Variants in CTNNBL1 observed in about 807,000 individuals in gnomAD.
CTNNBL1 encodes the protein catenin beta like 1.
CTNNBL1 carries 31 observed loss-of-function variants against 72.7 expected under a neutral mutation model. That is an observed-to-expected ratio of 0.43 (90% CI 0.32 to 0.58). The LOEUF (loss-of-function observed/expected upper bound fraction) is 0.58, where lower values mean the gene tolerates loss of function less well. CTNNBL1 is among the 20% of genes least tolerant of loss of function. The pLI is 0.08. For synonymous variants in CTNNBL1, 240 were observed against 267.3 expected (o/e 0.90, Z 1.00); for missense variants, 534 against 725.1 (o/e 0.74, Z 3.03).
At chr20:37,808,499 G>A (rs2071980195) in intron 11 of CTNNBL1, among the ~76,000 whole-genome samples, 1 of 152,184 alleles carries the variant, frequency 6.6e-6, no homozygotes, top group African/African-American at 2.4e-5. Flanking sequence ...ATATAACAAA[G>A]ACCTAGTATG....
chr20:37,750,247 C>T (rs1000259600), intron 4 of CTNNBL1: 1 of 152,300 alleles, frequency 6.6e-6, no homozygotes, highest in African/African-American at 2.4e-5. Flanking sequence ...TCATCTGCCC[C>T]CTTGAGAGGC....
intron 1 of CTNNBL1, among the ~76,000 whole-genome samples, chr20:37,716,741 A>C (rs1287338557): frequency 6.6e-6 from 1 of 152,240 alleles, no homozygotes; most frequent in East Asian, 1.9e-4. Context: ...AGTGCTGGAA[A>C]GTATGTTATA....
rs1262337304 is a variant in CTNNBL1 at position 37,777,594 on chromosome 20, G to A, written c.824-60G>A. The A allele has an allele frequency of 3.3e-5, 50 of 1,518,020 alleles. 1 individual carries two copies. Among genetic ancestry groups the A allele is most frequent in the Middle Eastern group, 1.8e-4 (1 of 5,646 alleles). 94.0% of individuals were successfully genotyped at this position (1,518,020 alleles called of 1,614,324 possible). A position where few individuals can be genotyped will look rare whatever the true frequency, so the allele number is the denominator to read the frequency against. On this transcript the variant is annotated intron_variant, in intron 8 of 15. Transcript: ENST00000361383. The stretch of plus-strand genomic sequence containing the variant: ...GTTTGCTGATGTATCAGTGTTAGAC[G>A]GCTGTAAAATCTGACAGTTAGGTTC...
intron 6 of CTNNBL1, 134 bp from the exon 7 acceptor site, chr20:37,767,817 AAT>A (rs1410982875): frequency 1.5e-6 from 1 of 679,722 alleles, no homozygotes; most frequent in Non-Finnish European, 2.6e-6. Context: ...TTAATCTGAA[AAT>A]GACAACCCAG....
chr20:37,740,657 C>T (rs2073208175), intron 3 of CTNNBL1, among the ~76,000 whole-genome samples: 1 of 152,088 alleles, frequency 6.6e-6, no homozygotes, highest in Non-Finnish European at 1.5e-5. Flanking sequence ...TATTGAATAT[C>T]CCAAAGTGCT....
At chr20:37,861,950 C>A (rs940882708) in intron 15 of CTNNBL1, among the ~76,000 whole-genome samples, 4 of 152,106 alleles carry the variant, frequency 2.6e-5, no homozygotes, top group African/African-American at 7.2e-5. Flanking sequence ...AGAGACAGTC[C>A]AGAAAGAAAC....
At chr20:37,765,476 G>A (rs1431426795) in intron 6 of CTNNBL1, among the ~76,000 whole-genome samples, 186 bp downstream of exon 6, 2 of 152,182 alleles carry the variant, frequency 1.3e-5, no homozygotes, top group East Asian at 3.8e-4. Context: ...CTTTGGTTTG[G>A]CTTGTAGGTA....
intron 13 of CTNNBL1, among the ~76,000 whole-genome samples, chr20:37,849,308 A>G (rs2072374661): frequency 6.6e-6 from 1 of 152,260 alleles, no homozygotes; most frequent in Non-Finnish European, 1.5e-5. Context: ...CACAGTAAAC[A>G]GTGGCCTTGC....
At chr20:37,831,306 A>C (rs1159179235) in intron 11 of CTNNBL1, among the ~76,000 whole-genome samples, 2 of 151,898 alleles carry the variant, frequency 1.3e-5, no homozygotes, top group Non-Finnish European at 2.9e-5. Flanking sequence ...AGTATTTTCC[A>C]TGCATGCCAG....
chr20:37,757,007 T>A (rs2073371261), intron 4 of CTNNBL1: 1 of 152,290 alleles, frequency 6.6e-6, no homozygotes, highest in Non-Finnish European at 1.5e-5. Flanking sequence ...GTATTCTTCC[T>A]TTTATATTCA....
intron 13 of CTNNBL1, among the ~76,000 whole-genome samples, chr20:37,856,930 T>C (rs2072448312): frequency 6.6e-6 from 1 of 152,218 alleles, no homozygotes; most frequent in Non-Finnish European, 1.5e-5. Flanking sequence ...ATTAGGCACT[T>C]AGTAGGGCCA....
intron 4 of CTNNBL1, among the ~76,000 whole-genome samples, chr20:37,754,663 A>G (rs1048640221): frequency 1.3e-5 from 2 of 152,190 alleles, no homozygotes; most frequent in East Asian, 1.9e-4. Context: ...AACAGGGTCA[A>G]TAGCTAGAAT....
At chr20:37,851,315 C>G (rs1385886534) in intron 13 of CTNNBL1, among the ~76,000 whole-genome samples, 1 of 151,842 alleles carries the variant, frequency 6.6e-6, no homozygotes, top group African/African-American at 2.4e-5. Context: ...GAGTATCTCT[C>G]TCTTTTTTTT....
In CTNNBL1 at chr20:37,748,231, T is replaced by G. The variant is rs897925080; in HGVS notation, c.466+1624T>G. Among the ~76,000 whole-genome samples the G allele has an allele frequency of 7.9e-5, 12 of 152,250 alleles. No individual in the cohort carries two copies. The East Asian group carries it at 2.3e-3, about 29-fold the overall frequency. ...GACTAAGTTCTTGCCTGGCTGATAATTCTCATAGAAATAAATCAGTGAGTA... is the reference window on the plus strand; with the variant it reads ...GACTAAGTTCTTGCCTGGCTGATAAGTCTCATAGAAATAAATCAGTGAGTA... On this transcript the variant is annotated intron_variant, in intron 4 of 15. Coordinates refer to ENST00000361383, the MANE Select transcript of CTNNBL1 (RefSeq NM_030877.5).
chr20:37,784,799 G>A (rs2073657693), intron 10 of CTNNBL1, among the ~76,000 whole-genome samples: 2 of 152,138 alleles, frequency 1.3e-5, no homozygotes, highest in African/African-American at 2.4e-5. Context: ...ATAATATTCT[G>A]TGTTTTTCTG....
At position 37,750,636 on chromosome 20, in the gene CTNNBL1, A is replaced by T. The variant is rs537265591; in HGVS notation, c.466+4029A>T. On this transcript the variant is annotated intron_variant, in intron 4 of 15. Coordinates refer to ENST00000361383, the MANE Select transcript of CTNNBL1 (RefSeq NM_030877.5). ...AACAAGGAGGAATAAAAGGGAAAAA[A>T]ACAAACCACAACAACGATCACATGG... is the stretch of plus-strand genomic sequence containing the variant. 3.9e-5 allele frequency: 6 copies of T among 152,336 alleles called. No homozygotes were observed. In the East Asian group the frequency reaches 9.6e-4, roughly 24 times the overall value. 9.4% of individuals were successfully genotyped at this position (152,336 alleles called of 1,614,324 possible).
intron 7 of CTNNBL1, among the ~76,000 whole-genome samples, chr20:37,772,569 C>T (rs536285212): frequency 5.9e-5 from 9 of 152,228 alleles, no homozygotes; most frequent in Non-Finnish European, 1.2e-4. Flanking sequence ...AGGATGGTAT[C>T]GATCTCCTGA....
intron 3 of CTNNBL1, among the ~76,000 whole-genome samples, chr20:37,740,090 A>T (rs1401094033): frequency 6.6e-6 from 1 of 152,164 alleles, no homozygotes; most frequent in Non-Finnish European, 1.5e-5. Context: ...AGACAATGTG[A>T]TTTTATTTAA....
In CTNNBL1 at chr20:37,733,048, G is replaced by A; in HGVS notation, c.200G>A (p.Gly67Glu). 6.2e-7 allele frequency: 1 copy of A among 1,613,364 alleles called. No homozygotes were observed. The highest frequency in any genetic ancestry group is 8.5e-7 in the Non-Finnish European group (1 of 1,179,912). ...KRLLQIIDRD[G>E]EEEEEEEEPL... ...CTGCTGCAGATTATTGACAGAGATG[G>A]GGAAGAGGAAGAGGAAGAGGTAACG... is the stretch of plus-strand genomic sequence containing the variant. Residue 67 changes from glycine to glutamate, a missense_variant, in exon 2 of 16, where the codon GGG becomes GAG. Physicochemically the swap from Gly to Glu is moderately conservative, Grantham distance 98. Transcript: ENST00000361383.
Sources: gnomAD v4.1 joint callset for allele counts (sites outside exome capture counted in the v4.1 genomes callset) on GRCh38, gnomAD v4.1.1 for gene constraint, MANE v1.5 for transcripts, NCBI Gene and HGNC (gene_info 2026-07-23, HGNC 2026-07-21) for gene names.